Variants in AP1B1 observed in about 807,000 individuals in gnomAD.
The protein encoded by AP1B1 is AP-1 complex subunit beta-1.
Under a neutral mutation model 104.3 loss-of-function variants are expected in AP1B1, and 36 were observed. The ratio of observed to expected loss-of-function variants is 0.35; its 90% CI spans 0.26 to 0.46. AP1B1 has a LOEUF of 0.46. AP1B1 is among the 20% of genes least tolerant of loss of function. The pLI, the probability that AP1B1 is intolerant of heterozygous loss-of-function variation, is 1.00. For synonymous variants in AP1B1, 504 were observed against 517.5 expected (o/e 0.97, Z 0.35); for missense variants, 901 against 1,247.9 (o/e 0.72, Z 4.19).
At chr22:29,381,444 C>T (rs766729837) in intron 1 of AP1B1, among the ~76,000 whole-genome samples, 1 of 152,124 alleles carries the variant, frequency 6.6e-6, no homozygotes, top group Non-Finnish European at 1.5e-5. Flanking sequence ...CAATAAGTAG[C>T]TGAATGACCA....
chr22:29,366,126 G>A (rs925704442), intron 2 of AP1B1, among the ~76,000 whole-genome samples: 2 of 152,102 alleles, frequency 1.3e-5, no homozygotes, highest in African/African-American at 4.8e-5. Context: ...ATAAAGGGCT[G>A]GCCAGAAAGA....
rs140261621 is a variant in AP1B1, at chr22:29,357,848, C to T, written c.525+878G>A. Among the ~76,000 whole-genome samples the T allele has an allele frequency of 2.1e-4, 32 of 152,006 alleles. 1 individual carries two copies. Among genetic ancestry groups the T allele is most frequent in the South Asian group, 2.1e-3 (10 of 4,802 alleles). On this transcript the variant is annotated intron_variant, in intron 5 of 22. Transcript: ENST00000357586. The stretch of plus-strand genomic sequence containing the variant: ...GATTACAGGCACATGCCACCACACC[C>T]GGCTAATTTTTGTATTTTGAGTAGA...
rs1424228246 is a variant in AP1B1 at position 29,354,718 on chromosome 22, T to C, written c.870A>G (p.Thr290=). 6.2e-7 allele frequency: 1 copy of C among 1,614,018 alleles called. No individual in the cohort carries two copies. Among genetic ancestry groups the C allele is most frequent in the Admixed American group, 1.7e-5 (1 of 60,010 alleles). Reference sequence around the variant, plus strand: ...GCAGCTCTGGCTCGGCTGACAGCAGTGTGACCAGGGGTGGGGCCAGCTTCT... The same window carrying C: ...GCAGCTCTGGCTCGGCTGACAGCAGCGTGACCAGGGGTGGGGCCAGCTTCT... ...LLKKLAPPLV[T]LLSAEPELQY... is the part of the protein sequence containing the mutation. Residue 290 remains threonine (T), a synonymous_variant, in exon 7 of 23, where the codon ACA becomes ACG. Transcript: ENST00000357586.
At chr22:29,331,557 C>T in intron 18 of AP1B1, 24 bp from the exon 19 acceptor site, 10 of 1,613,700 alleles carry the variant, frequency 6.2e-6, no homozygotes, top group Non-Finnish European at 8.5e-6. Flanking sequence ...GGTCCCCAGT[C>T]AGTCTCTGGG....
Position 29,342,360 on chromosome 22 carries a change from G to A in AP1B1, c.1461C>T (p.Ala487=). Residue 487 remains alanine, a synonymous_variant, in exon 12 of 23, where the codon GCC becomes GCT. Transcript: ENST00000357586. ...GCTTCTTTAGAAAGAGTTTCACAAT[G>A]GCTGTCAGCAGCTGCAGCTGGACCT... The part of the protein sequence containing the change: ...STQVQLQLLT[A]IVKLFLKKPT... The A allele has an allele frequency of 6.2e-7, 1 of 1,614,122 alleles. No homozygotes were observed. The highest frequency in any genetic ancestry group is 8.5e-7 in the Non-Finnish European group (1 of 1,180,006).
intron 11 of AP1B1, among the ~76,000 whole-genome samples, chr22:29,343,761 C>T (rs974984740): frequency 6.6e-6 from 1 of 152,156 alleles, no homozygotes; most frequent in Non-Finnish European, 1.5e-5. Flanking sequence ...AGTTTCCTAA[C>T]GTATAAAACA....
At chr22:29,357,662 G>A (rs1348551806) in intron 5 of AP1B1, among the ~76,000 whole-genome samples, 1 of 149,830 alleles carries the variant, frequency 6.7e-6, no homozygotes, top group Non-Finnish European at 1.5e-5. Context: ...TCCTGTATGA[G>A]CCACTGCGCG....
At position 29,328,972 on chromosome 22, in the gene AP1B1, A is replaced by G; in HGVS notation, c.2776-77T>C. ...CTCAGGAAGGAAAGGGGTGGGGAAG[A>G]GAGCAGGAACCAATGGGACAGCGTG... On this transcript the variant is annotated intron_variant, in intron 22 of 22. Coordinates refer to ENST00000357586, the MANE Select transcript of AP1B1 (RefSeq NM_001127.4). The surrounding 1 kb of genome is among the most constrained non-coding windows in gnomAD (Gnocchi z 4.1). The G allele has an allele frequency of 6.4e-7, 1 of 1,556,090 alleles. No homozygotes were observed. The highest frequency in any genetic ancestry group is 2.3e-5 in the East Asian group (1 of 43,022).
chr22:29,332,148 C>G (rs1324587823), intron 17 of AP1B1: 1 of 461,788 alleles, frequency 2.2e-6, no homozygotes, highest in South Asian at 3.7e-5. Flanking sequence ...TCTGCCCCAG[C>G]CTGGCTGCAG....
chr22:29,377,651 T>C (rs969917207), intron 1 of AP1B1, among the ~76,000 whole-genome samples: 1 of 151,610 alleles, frequency 6.6e-6, no homozygotes, highest in African/African-American at 2.4e-5. Context: ...CTACTAAACA[T>C]ACAAAAAAAT....
chr22:29,374,584 C>T (rs921536501), intron 1 of AP1B1, among the ~76,000 whole-genome samples: 1 of 152,200 alleles, frequency 6.6e-6, no homozygotes, highest in Admixed American at 6.5e-5. Flanking sequence ...TATAACCTGT[C>T]AGCTGCTGAA....
Position 29,330,624 on chromosome 22 carries a change from T to A in AP1B1, c.2610A>T (p.Ala870=). ...GGGTCGGGGGCTCGGAGTCCTCACC[T>A]GCATTGAGGGGGCAGTCTCTGATCT... ...QFQIRDCPLN[A]EAASSKLQSS... Residue 870 remains alanine (A), a splice_region_variant and synonymous_variant, in exon 20 of 23, where the codon GCA becomes GCT. Coordinates refer to ENST00000357586, the MANE Select transcript of AP1B1 (RefSeq NM_001127.4). The A allele has an allele frequency of 6.2e-7, 1 of 1,613,730 alleles. No homozygotes were observed. Among genetic ancestry groups the A allele is most frequent in the Non-Finnish European group, 8.5e-7 (1 of 1,179,852 alleles).
intron 21 of AP1B1, 140 bp downstream of exon 21, chr22:29,330,238 G>A: frequency 1.3e-6 from 2 of 1,495,522 alleles, no homozygotes; most frequent in Non-Finnish European, 1.8e-6. Flanking sequence ...TTCTAGAAAG[G>A]TCCTTCTCAG....
rs1401694604 is a variant in AP1B1 at position 29,377,006 on chromosome 22, G to A, written c.-27-9736C>T. On this transcript the variant is annotated intron_variant, in intron 1 of 22. Transcript: ENST00000357586. ...AGGTCAGGAGATTGGGACCAGCCTG[G>A]CCAACATGGTGAAACCCTGTCTCTA... 2.6e-5 allele frequency among the ~76,000 whole-genome samples: 4 copies of A among 151,978 alleles called. No homozygotes were observed. In the East Asian group the frequency reaches 5.8e-4, roughly 22 times the overall value.
chr22:29,341,461 A>C, intron 13 of AP1B1, 40 bp downstream of exon 13: 1 of 1,588,068 alleles, frequency 6.3e-7, no homozygotes. Flanking sequence ...CTGGGGAAGC[A>C]GAGTGTGAAG....
intron 2 of AP1B1, among the ~76,000 whole-genome samples, chr22:29,365,496 A>C (rs1351130988): frequency 1.3e-5 from 2 of 152,124 alleles, no homozygotes; most frequent in East Asian, 1.9e-4. Flanking sequence ...TCAAAAAAAA[A>C]CAAACAAACA....
chr22:29,353,083 G>T (rs189903359), intron 7 of AP1B1, among the ~76,000 whole-genome samples: 8 of 152,298 alleles, frequency 5.3e-5, no homozygotes, highest in African/African-American at 1.9e-4. Context: ...CTGGTACTAG[G>T]TCACATGGCT....
At chr22:29,343,212 C>G (rs939962971) in intron 11 of AP1B1, among the ~76,000 whole-genome samples, 1 of 152,232 alleles carries the variant, frequency 6.6e-6, no homozygotes, top group Non-Finnish European at 1.5e-5. Context: ...TTTTGCTAGT[C>G]CTAGGACAAG....
intron 1 of AP1B1, among the ~76,000 whole-genome samples, chr22:29,384,238 C>A (rs1472978145): frequency 6.6e-6 from 1 of 151,932 alleles, no homozygotes; most frequent in Non-Finnish European, 1.5e-5. Context: ...TTACTACTAC[C>A]GAGAGAGAGA....
Sources: gnomAD v4.1 joint callset for allele counts (sites outside exome capture counted in the v4.1 genomes callset) on GRCh38, gnomAD v4.1.1 for gene constraint, Gnocchi (gnomAD v3.1) non-coding constraint, MANE v1.5 for transcripts, NCBI Gene and HGNC (gene_info 2026-07-23, HGNC 2026-07-21) for gene names.